Variants in CIT observed in about 807,000 individuals in gnomAD.
CIT encodes the protein citron rho-interacting serine/threonine kinase.
A neutral mutation model predicts 272.7 loss-of-function variants in CIT; 79 were observed. The observed-to-expected ratio is 0.29, with a 90% CI of 0.24 to 0.35. The LOEUF (loss-of-function observed/expected upper bound fraction) is 0.35, where lower values mean the gene tolerates loss of function less well. Ranked by LOEUF, CIT falls within the 10% of genes least tolerant of loss-of-function variation. The pLI, the probability that CIT is intolerant of heterozygous loss-of-function variation, is 1.00. For synonymous variants in CIT, 948 were observed against 995.6 expected (o/e 0.95, Z 0.90); for missense variants, 1,909 against 2,618.3 (o/e 0.73, Z 5.91).
At chr12:119,744,990 C>T (rs1959191813) in intron 23 of CIT, among the ~76,000 whole-genome samples, 1 of 151,600 alleles carries the variant, frequency 6.6e-6, no homozygotes, top group Admixed American at 6.6e-5. Flanking sequence ...CTTCAAGTAG[C>T]CTAACATACA....
At chr12:119,749,872 CATAG>C (rs948354283) in intron 23 of CIT, among the ~76,000 whole-genome samples, 1 of 152,184 alleles carries the variant, frequency 6.6e-6, no homozygotes, top group Non-Finnish European at 1.5e-5. Flanking sequence ...CTAATTTCCC[CATAG>C]ATAAAGAGCA....
chr12:119,745,576 T>A (rs1959263676), intron 23 of CIT, among the ~76,000 whole-genome samples: 1 of 151,996 alleles, frequency 6.6e-6, no homozygotes, highest in Non-Finnish European at 1.5e-5. Context: ...GAAATTTGGA[T>A]CTACACAAAT....
At chr12:119,806,318 A>G (rs921705561) in intron 9 of CIT, among the ~76,000 whole-genome samples, 1 of 152,174 alleles carries the variant, frequency 6.6e-6, no homozygotes, top group African/African-American at 2.4e-5. Context: ...ATTCAGGCAG[A>G]GGAAAAAGCC....
At position 119,713,049 on chromosome 12, in the gene CIT, T is replaced by C; in HGVS notation, c.4579+154A>G. On this transcript the variant is annotated intron_variant, in intron 35 of 47. Transcript: ENST00000392521. This position sits in a 1 kb window ranked among gnomAD's most constrained non-coding sequence, Gnocchi z 5.2. Reference sequence around the variant, plus strand: ...CCTATAGATGTGAGTATCGCACCAATAACCTTTAGAGAAGTCATTTGGTTT... The same window carrying C: ...CCTATAGATGTGAGTATCGCACCAACAACCTTTAGAGAAGTCATTTGGTTT... The C allele has an allele frequency of 1.5e-6, 1 of 684,268 alleles. No homozygotes were observed. Among genetic ancestry groups the C allele is most frequent in the South Asian group, 1.8e-5 (1 of 55,864 alleles). The allele number at this position is 684,268 out of a possible 1,614,324, so 42.4% of individuals were successfully genotyped here.
At chr12:119,822,303 T>C (rs1181941841) in intron 9 of CIT, among the ~76,000 whole-genome samples, 1 of 152,260 alleles carries the variant, frequency 6.6e-6, no homozygotes, top group East Asian at 1.9e-4. Flanking sequence ...AAGTGATGTA[T>C]GAATGAATCT....
In CIT at chr12:119,710,889, T is replaced by C. The variant is rs1214997865; in HGVS notation, c.4855-269A>G. 2 of 631,056 alleles carry C rather than the reference T, an allele frequency of 3.2e-6. No homozygotes were observed. Among genetic ancestry groups the C allele is most frequent in the African/African-American group, 1.8e-5 (1 of 54,056 alleles). 39.1% of individuals were successfully genotyped at this position (631,056 alleles called of 1,614,324 possible). A position where few individuals can be genotyped will look rare whatever the true frequency, so the allele number is the denominator to read the frequency against. On this transcript the variant is annotated intron_variant, in intron 37 of 47. Transcript: ENST00000392521. The surrounding 1 kb of genome is among the most constrained non-coding windows in gnomAD (Gnocchi z 5.6). Reference sequence around the variant, plus strand: ...CAGAAATAAGGGAGGGTAGTAGACATGGAAAGCTATTCTGTAATAAGAAAT... The same window carrying C: ...CAGAAATAAGGGAGGGTAGTAGACACGGAAAGCTATTCTGTAATAAGAAAT...
chr12:119,873,268 C>CT (rs59861360), intron 2 of CIT, among the ~76,000 whole-genome samples: 15,257 of 136,952 alleles, frequency 0.11, 1,747 homozygotes, highest in African/African-American at 0.3. Context: ...TTTTCCTTTT[C>CT]TTTTTTTTTT....
chr12:119,744,607 T>C (rs922751402), intron 23 of CIT, among the ~76,000 whole-genome samples: 16 of 151,388 alleles, frequency 1.1e-4, no homozygotes, highest in African/African-American at 3.9e-4. Flanking sequence ...TCACAGCTAC[T>C]CTGGAGGCTG....
chr12:119,787,115 C>A (rs112442842), intron 10 of CIT, among the ~76,000 whole-genome samples: 1 of 152,012 alleles, frequency 6.6e-6, no homozygotes, highest in Non-Finnish European at 1.5e-5. Flanking sequence ...CAGGCACGCA[C>A]CACCACACCC....
At chr12:119,699,801 T>C (rs1484721812) in intron 44 of CIT, 1 of 456,124 alleles carries the variant, frequency 2.2e-6, no homozygotes, top group Admixed American at 2.3e-5. Flanking sequence ...TTGTTTGAAG[T>C]CACTAAGCTT....
At position 119,712,875 on chromosome 12, in the gene CIT, A is replaced by T. The variant is rs1957240551; in HGVS notation, c.4580-180T>A. 1.7e-6 allele frequency: 1 copy of T among 591,902 alleles called. No individual in the cohort carries two copies. The highest frequency in any genetic ancestry group is 2.9e-5 in the East Asian group (1 of 35,002). The allele number at this position is 591,902 out of a possible 1,614,324, so 36.7% of individuals were successfully genotyped here. A position where few individuals can be genotyped will look rare whatever the true frequency, so the allele number is the denominator to read the frequency against. On this transcript the variant is annotated intron_variant, in intron 35 of 47. Transcript: ENST00000392521. This position sits in a 1 kb window ranked among gnomAD's most constrained non-coding sequence, Gnocchi z 5.2. The stretch of plus-strand genomic sequence containing the variant: ...AGAAGGCAGAGAGGGAAGATAAAAA[A>T]AAATAAAGTGTGTCAGATGAGTAGC...
intron 10 of CIT, among the ~76,000 whole-genome samples, chr12:119,787,263 T>C (rs775638012): frequency 1.3e-5 from 2 of 151,976 alleles, no homozygotes; most frequent in Non-Finnish European, 1.5e-5. Context: ...CAGCCGTCTC[T>C]ATAAAAAATG....
rs1366386183 is a variant in CIT at position 119,784,927 on chromosome 12, G to T, written c.1401+33C>A. 1.2e-6 allele frequency: 2 copies of T among 1,612,170 alleles called. No homozygotes were observed. The highest frequency in any genetic ancestry group is 1.7e-6 in the Non-Finnish European group (2 of 1,179,024). ...CATATACGGACGGGAGGATCCTGGA[G>T]CAAGGAAGGAGGCCGGCTGCGGAAA... On this transcript the variant is annotated intron_variant, in intron 11 of 47. Transcript: ENST00000392521. The surrounding 1 kb of genome is among the most constrained non-coding windows in gnomAD (Gnocchi z 4.7).
rs766786434 is a variant in CIT, at chr12:119,714,231, G to A, written c.4272C>T (p.Thr1424=). The change falls in exon 33 of 48, where the codon ACC becomes ACT. Residue 1424 remains threonine (T), a synonymous_variant. Transcript: ENST00000392521. ...RATKCAVCLD[T]VHFGRQASKC... is the part of the protein sequence containing the mutation. ...TGGATGCCTGGCGTCCAAAGTGCAC[G>A]GTATCCAGACACACAGCACACTTTG... is the stretch of plus-strand genomic sequence containing the variant. 98 of 1,613,974 alleles carry A rather than the reference G, an allele frequency of 6.1e-5. No individual in the cohort carries two copies. The Middle Eastern group carries it at 8.2e-4, about 14-fold the overall frequency.
At chr12:119,851,244 T>C (rs529747799) in intron 4 of CIT, among the ~76,000 whole-genome samples, 1 of 152,306 alleles carries the variant, frequency 6.6e-6, no homozygotes, top group African/African-American at 2.4e-5. Flanking sequence ...TAGACATGGA[T>C]ACACAAATAT....
chr12:119,701,993 G>C, intron 41 of CIT, 35 bp from the exon 42 acceptor site: 1 of 1,514,942 alleles, frequency 6.6e-7, no homozygotes, highest in Non-Finnish European at 9.2e-7. Flanking sequence ...GGATGTGAGA[G>C]GTAACACAGG....
intron 1 of CIT, 138 bp from the exon 2 acceptor site, chr12:119,876,319 A>C: frequency 1.7e-6 from 1 of 575,928 alleles, no homozygotes; most frequent in Admixed American, 3.3e-5. Flanking sequence ...GCTCAGTCTA[A>C]TCATGGAGAT....
chr12:119,731,874 C>T lies in CIT; in HGVS notation c.3351-1244G>A, dbSNP rs1041404016. 1.2e-4 allele frequency among the ~76,000 whole-genome samples: 18 copies of T among 148,484 alleles called. 1 individual carries two copies. The highest frequency in any genetic ancestry group is 3.6e-4 in the African/African-American group (14 of 39,282). ...TTTTTGAGATGGAGTCCCACTCTGT[C>T]GCCCAGGCTGGAGTTCAGTGGCGTG... On this transcript the variant is annotated intron_variant, in intron 26 of 47. Coordinates refer to ENST00000392521, the MANE Select transcript of CIT (RefSeq NM_001206999.2).
intron 5 of CIT, among the ~76,000 whole-genome samples, chr12:119,842,174 A>G (rs774614393): frequency 1.3e-5 from 2 of 152,152 alleles, no homozygotes; most frequent in East Asian, 3.9e-4. Flanking sequence ...GCAGATCATG[A>G]GGTCAAGAGT....
Sources: gnomAD v4.1 joint callset for allele counts (sites outside exome capture counted in the v4.1 genomes callset) on GRCh38, gnomAD v4.1.1 for gene constraint, Gnocchi (gnomAD v3.1) non-coding constraint, MANE v1.5 for transcripts, NCBI Gene and HGNC (gene_info 2026-07-23, HGNC 2026-07-21) for gene names.